Variants in PTPRD observed in about 807,000 individuals in gnomAD.
The protein encoded by PTPRD is receptor-type tyrosine-protein phosphatase delta.
Under a neutral mutation model 214.5 loss-of-function variants are expected in PTPRD, and 34 were observed. The ratio of observed to expected loss-of-function variants is 0.16; its 90% CI spans 0.12 to 0.21. PTPRD has a LOEUF of 0.21. PTPRD is among the 10% of genes least tolerant of loss of function. The pLI is 1.00. For missense variants in PTPRD, 2,545 were observed against 2,398.7 expected, an observed-to-expected ratio of 1.06 and a Z score of -1.27; for synonymous variants, 1,128 against 845.7, an observed-to-expected ratio of 1.33 and a Z score of -5.79.
chr9:8,333,100 G>C (rs10815823), intron 43 of PTPRD, among the ~76,000 whole-genome samples: 73,265 of 151,974 alleles, frequency 0.48, 20,901 homozygotes, highest in Non-Finnish European at 0.64. Flanking sequence ...TTTGGGGATG[G>C]AGATAAACAG....
At chr9:10,047,856 A>C (rs769752370) in intron 3 of PTPRD, among the ~76,000 whole-genome samples, 29 of 152,154 alleles carry the variant, frequency 1.9e-4, no homozygotes, top group Non-Finnish European at 4.0e-4. Flanking sequence ...AGTGTGGTTA[A>C]ATGGGCTAAT....
At chr9:9,804,176 C>G in intron 5 of PTPRD, among the ~76,000 whole-genome samples, 1 of 152,026 alleles carries the variant, frequency 6.6e-6, no homozygotes, top group Non-Finnish European at 1.5e-5. Context: ...CAGTCTCATC[C>G]CTCTACATTT....
At chr9:10,577,624 T>G (rs1246445126) in intron 2 of PTPRD, among the ~76,000 whole-genome samples, 4 of 152,216 alleles carry the variant, frequency 2.6e-5, no homozygotes, top group African/African-American at 7.2e-5. Flanking sequence ...TTTATGCAAC[T>G]GTCTGTAGCA....
intron 5 of PTPRD, among the ~76,000 whole-genome samples, chr9:9,927,652 T>C (rs1005517696): frequency 6.6e-6 from 1 of 152,192 alleles, no homozygotes; most frequent in Non-Finnish European, 1.5e-5. Flanking sequence ...AAATACACCG[T>C]GCATCTCCTA....
At chr9:8,499,028 C>CT (rs34444146) in intron 25 of PTPRD, among the ~76,000 whole-genome samples, 2 of 150,812 alleles carry the variant, frequency 1.3e-5, no homozygotes, top group South Asian at 4.2e-4. Context: ...TTTTTAGTAC[C>CT]TTTTTTTTAA....
rs115857390 is a variant in PTPRD at position 10,362,043 on chromosome 9, G to C, written c.-599-21026C>G. On this transcript the variant is annotated intron_variant, in intron 2 of 45. Coordinates refer to ENST00000381196, the MANE Select transcript of PTPRD (RefSeq NM_002839.4). ...AGTCCAGGACAGAATCTGGAGAATG[G>C]GGTCTTCTCCATCAACATCTAGTCA... Among the ~76,000 whole-genome samples the C allele has an allele frequency of 3.8e-3, 575 of 152,234 alleles. 2 individuals carry two copies. Among genetic ancestry groups the C allele is most frequent in the African/African-American group, 0.013 (547 of 41,556 alleles).
At chr9:9,441,651 TA>T (rs1456873356) in intron 8 of PTPRD, among the ~76,000 whole-genome samples, 2 of 152,184 alleles carry the variant, frequency 1.3e-5, no homozygotes, top group African/African-American at 2.4e-5. Flanking sequence ...CATGTTACAC[TA>T]AATTCTGAAT....
chr9:8,705,052 A>G (rs1350451839), intron 12 of PTPRD, among the ~76,000 whole-genome samples: 3 of 152,188 alleles, frequency 2.0e-5, no homozygotes, highest in Non-Finnish European at 2.9e-5. Flanking sequence ...GTTATAACAC[A>G]CTTCTATCTG....
intron 9 of PTPRD, among the ~76,000 whole-genome samples, chr9:9,322,102 G>T (rs1165869075): frequency 6.6e-6 from 1 of 152,152 alleles, no homozygotes; most frequent in Non-Finnish European, 1.5e-5. Context: ...GGCTCTAAGT[G>T]TACAGGCAAA....
rs2098327021 is a variant in PTPRD, at chr9:9,737,821, C to A, written c.-325-3250G>T. ...TCCTATATGTGTTTTCTTGTGTGAACATTTGTTTACAGTCCTCCTGGGTAT... is the reference window on the plus strand; with the variant it reads ...TCCTATATGTGTTTTCTTGTGTGAAAATTTGTTTACAGTCCTCCTGGGTAT... On this transcript the variant is annotated intron_variant, in intron 6 of 45. Coordinates refer to ENST00000381196, the MANE Select transcript of PTPRD (RefSeq NM_002839.4). Among the ~76,000 whole-genome samples, 5 of 152,072 alleles carry A rather than the reference C, an allele frequency of 3.3e-5. No homozygotes were observed. The South Asian group carries it at 1.0e-3, about 32-fold the overall frequency.
chr9:9,301,033 C>T (rs1022017535), intron 9 of PTPRD, among the ~76,000 whole-genome samples: 5 of 151,714 alleles, frequency 3.3e-5, no homozygotes, highest in African/African-American at 1.2e-4. Context: ...CTCAATGGAG[C>T]CTTATTCAGT....
At chr9:9,799,073 T>A (rs1322831920) in intron 5 of PTPRD, among the ~76,000 whole-genome samples, 1 of 152,116 alleles carries the variant, frequency 6.6e-6, no homozygotes, top group African/African-American at 2.4e-5. Context: ...GAATCAAAAC[T>A]TATATATCTT....
At chr9:9,187,301 G>A (rs552474572) in intron 9 of PTPRD, among the ~76,000 whole-genome samples, 4 of 152,064 alleles carry the variant, frequency 2.6e-5, no homozygotes, top group African/African-American at 9.6e-5. Context: ...ATTTAGAATT[G>A]TTTGCACATA....
At chr9:9,182,982 GC>G (rs2099929129) in intron 10 of PTPRD, among the ~76,000 whole-genome samples, 1 of 151,630 alleles carries the variant, frequency 6.6e-6, no homozygotes, top group East Asian at 1.9e-4. Flanking sequence ...AAATCTATAA[GC>G]ATCTGCTGCT....
intron 11 of PTPRD, among the ~76,000 whole-genome samples, chr9:8,765,155 C>A (rs1474745106): frequency 1.3e-5 from 2 of 152,134 alleles, no homozygotes; most frequent in African/African-American, 4.8e-5. Context: ...ACGATTTAAA[C>A]ATATGTGTAG....
chr9:9,723,356 A>G (rs143260838), intron 7 of PTPRD, among the ~76,000 whole-genome samples: 1 of 152,186 alleles, frequency 6.6e-6, no homozygotes, highest in Non-Finnish European at 1.5e-5. Context: ...TGGACATTCA[A>G]TTCTATTCCA....
At chr9:10,578,007 G>C (rs979652437) in intron 2 of PTPRD, among the ~76,000 whole-genome samples, 9 of 151,408 alleles carry the variant, frequency 5.9e-5, no homozygotes, top group African/African-American at 1.9e-4. Context: ...CGCCTCCCAG[G>C]TTCAAGCGAT....
chr9:9,139,501 T>C lies in PTPRD; in HGVS notation c.-143+43803A>G, dbSNP rs117680088. Among the ~76,000 whole-genome samples the C allele has an allele frequency of 6.4e-3, 975 of 152,232 alleles. 14 individuals carry two copies. Among genetic ancestry groups the C allele is most frequent in the Admixed American group, 0.045 (687 of 15,294 alleles). On this transcript the variant is annotated intron_variant, in intron 10 of 45. Transcript: ENST00000381196. The stretch of plus-strand genomic sequence containing the variant: ...ATAACTCATAACAAAATAGAACAAT[T>C]AAGTAAAAGAAGCATTACTTGAACA...
intron 3 of PTPRD, among the ~76,000 whole-genome samples, chr9:10,085,434 C>G (rs1282492034): frequency 1.3e-5 from 2 of 151,780 alleles, no homozygotes; most frequent in South Asian, 2.1e-4. Flanking sequence ...GGATCCTAAA[C>G]CTGTGACAGA....
Sources: allele counts gnomAD v4.1 joint callset (sites outside exome capture counted in the v4.1 genomes callset), GRCh38; gene constraint gnomAD v4.1.1; transcripts MANE v1.5; gene names NCBI Gene and HGNC (gene_info 2026-07-23, HGNC 2026-07-21).